The following SASH1 variants were observed in gnomAD, a reference collection of about 807,000 sequenced individuals.
SASH1 encodes SAM and SH3 domain containing 1, also known as SAM and SH3 domain-containing protein 1.
In SASH1, 44 loss-of-function variants were observed where a neutral mutation model predicts 125.2. The ratio of observed to expected loss-of-function variants is 0.35; its 90% CI spans 0.28 to 0.45. The LOEUF (loss-of-function observed/expected upper bound fraction) is 0.45. Ranked by LOEUF, SASH1 falls within the 20% of genes least tolerant of loss-of-function variation. SASH1 has a pLI of 1.00. For missense variants in SASH1, 1,426 were observed against 1,614.5 expected (o/e 0.88, Z 2.00); for synonymous variants, 639 against 649.1 (o/e 0.98, Z 0.24).
Position 148,502,944 on chromosome 6 carries a change from C to T in SASH1, c.730-11380C>T, listed in dbSNP as rs551958729. On this transcript the variant is annotated intron_variant, in intron 8 of 19. Transcript: ENST00000367467. Reference sequence around the variant, plus strand: ...CTGTGTTTTTCTCTTGCGGTTGTCGCGGTTGACCTTAACATTAATCATATT... The same window carrying T: ...CTGTGTTTTTCTCTTGCGGTTGTCGTGGTTGACCTTAACATTAATCATATT... 4.6e-5 allele frequency among the ~76,000 whole-genome samples: 7 copies of T among 152,308 alleles called. No homozygotes were observed. In the South Asian group the frequency reaches 6.2e-4, roughly 14 times the overall value.
At chr6:148,463,317 G>C (rs1426616560) in intron 4 of SASH1, among the ~76,000 whole-genome samples, 1 of 151,934 alleles carries the variant, frequency 6.6e-6, no homozygotes, top group African/African-American at 2.4e-5. Context: ...GCTAATTATT[G>C]TATTTTTAGT....
chr6:148,253,858 G>A, the SASH1 span, among the ~76,000 whole-genome samples: 7 of 151,810 alleles, frequency 4.6e-5, no homozygotes, highest in Admixed American at 2.0e-4. Context: ...GTGACAGAGC[G>A]AGACTCTGTC....
chr6:148,466,722 C>T (rs2115102484), intron 4 of SASH1, among the ~76,000 whole-genome samples: 1 of 151,978 alleles, frequency 6.6e-6, no homozygotes, highest in South Asian at 2.1e-4. Flanking sequence ...TGCATGTCAC[C>T]ATACCCAGTT....
chr6:148,362,211 G>A (rs1450824207), intron 1 of SASH1, among the ~76,000 whole-genome samples: 5 of 148,852 alleles, frequency 3.4e-5, no homozygotes, highest in South Asian at 2.1e-4. Context: ...ACAGGCGTGA[G>A]CCACCGTGCC....
the SASH1 span, among the ~76,000 whole-genome samples, chr6:148,249,112 G>A: frequency 6.6e-6 from 1 of 152,132 alleles, no homozygotes; most frequent in East Asian, 1.9e-4. Flanking sequence ...AAAGAAGCAC[G>A]CCAGCAAAAT....
At chr6:148,207,248 G>A in the SASH1 span, among the ~76,000 whole-genome samples, 1 of 152,196 alleles carries the variant, frequency 6.6e-6, no homozygotes, top group Non-Finnish European at 1.5e-5. Context: ...TACCCAATAG[G>A]AGCAGTAACT....
upstream of SASH1, among the ~76,000 whole-genome samples, chr6:148,338,350 C>T (rs1283583506): frequency 2.0e-5 from 3 of 151,378 alleles, no homozygotes; most frequent in African/African-American, 7.3e-5. Flanking sequence ...TCACTTGAAC[C>T]CAGGAGACAG....
At chr6:148,449,078 C>CTTTTTCTTTTTCTTTT in intron 4 of SASH1, among the ~76,000 whole-genome samples, 1 of 88,736 alleles carries the variant, frequency 1.1e-5, no homozygotes, top group Non-Finnish European at 2.3e-5. Flanking sequence ...CATTTCATTT[C>CTTTTTCTTTTTCTTTT]TTTTTTTTTT....
intron 1 of SASH1, among the ~76,000 whole-genome samples, chr6:148,307,220 G>A (rs993991650): frequency 6.6e-6 from 1 of 151,988 alleles, no homozygotes; most frequent in African/African-American, 2.4e-5. Context: ...CCAGGTTCAA[G>A]CGATTCTCCT....
intron 17 of SASH1, among the ~76,000 whole-genome samples, chr6:148,541,172 A>G (rs987188574): frequency 6.6e-6 from 1 of 152,048 alleles, no homozygotes; most frequent in African/African-American, 2.4e-5. Flanking sequence ...GATGAGAAAC[A>G]GTGGTAAGAG....
At chr6:148,522,246 A>G (rs1234955729) in intron 10 of SASH1, among the ~76,000 whole-genome samples, 2 of 152,242 alleles carry the variant, frequency 1.3e-5, no homozygotes, top group Admixed American at 1.3e-4. Flanking sequence ...ATATTTGCAT[A>G]TTCCTTTTCT....
chr6:148,255,085 C>T, the SASH1 span, among the ~76,000 whole-genome samples: 1 of 152,108 alleles, frequency 6.6e-6, no homozygotes, highest in Non-Finnish European at 1.5e-5. Flanking sequence ...AAAAAATGTG[C>T]TAAGTGAAAG....
chr6:148,437,921 C>T (rs992233475), intron 2 of SASH1, among the ~76,000 whole-genome samples: 15 of 152,140 alleles, frequency 9.9e-5, no homozygotes, highest in Non-Finnish European at 2.2e-4. Context: ...TGTGATATGA[C>T]ATGGCAAATG....
rs1554234528 is a variant in SASH1, at chr6:148,322,912, T to TTCTTCTTTCTTTCTCTC, written n.74+50539_74+50540insCTTTCTTTCTCTCTCTT. ...TTCTTCTTTCTTTCTCTCTCTTTCT[T>TTCTTCTTTCTTTCTCTC]TCTTTTTTCTTTCTCTCTTTCTTTT... On this transcript the variant is annotated intron_variant and non_coding_transcript_variant, in intron 1 of 3. Coordinates refer to the SASH1 transcript ENST00000367469. Among the ~76,000 whole-genome samples, 486 of 118,464 alleles carry TTCTTCTTTCTTTCTCTC rather than the reference T, an allele frequency of 4.1e-3. 20 individuals carry two copies. Among genetic ancestry groups the TTCTTCTTTCTTTCTCTC allele is most frequent in the Admixed American group, 5.4e-3 (62 of 11,448 alleles). 77.7% of individuals were successfully genotyped at this position (118,464 alleles called of 152,430 possible).
chr6:148,232,412 C>T, the SASH1 span, among the ~76,000 whole-genome samples: 1 of 152,166 alleles, frequency 6.6e-6, no homozygotes, highest in Non-Finnish European at 1.5e-5. Flanking sequence ...TGGTTTGATC[C>T]TTCTTCTAGG....
At chr6:148,352,640 A>G (rs903852616) in intron 1 of SASH1, among the ~76,000 whole-genome samples, 1 of 118,364 alleles carries the variant, frequency 8.4e-6, no homozygotes, top group Admixed American at 8.9e-5. Flanking sequence ...TAAATAAATA[A>G]ATAGAACTGT....
At chr6:148,343,252 G>A (rs752114933) in intron 1 of SASH1, 29 bp downstream of exon 1, 35 of 1,566,756 alleles carry the variant, frequency 2.2e-5, no homozygotes, top group Non-Finnish European at 2.7e-5. Flanking sequence ...GGGCGGCGCA[G>A]GAAGTACAGT....
At chr6:148,438,707 CT>C (rs1402484999) in intron 2 of SASH1, among the ~76,000 whole-genome samples, 7 of 109,846 alleles carry the variant, frequency 6.4e-5, no homozygotes, top group African/African-American at 2.6e-4. Flanking sequence ...CCAGCACATT[CT>C]TTTTTTTTCA....
chr6:148,373,889 C>A (rs934731106), intron 1 of SASH1, among the ~76,000 whole-genome samples: 1 of 152,178 alleles, frequency 6.6e-6, no homozygotes, highest in Non-Finnish European at 1.5e-5. Context: ...AGGAGAATTG[C>A]TTGAACCTGG....
Sources: allele counts gnomAD v4.1 joint callset (sites outside exome capture counted in the v4.1 genomes callset), GRCh38; gene constraint gnomAD v4.1.1; transcripts MANE v1.5; gene names NCBI Gene and HGNC (gene_info 2026-07-23, HGNC 2026-07-21).